RASA3: variants seen among roughly 807,000 people sequenced by gnomAD.
RASA3 encodes the protein RAS p21 protein activator 3.
Under a neutral mutation model 110.0 loss-of-function variants are expected in RASA3, and 73 were observed. The ratio of observed to expected loss-of-function variants is 0.66; its 90% CI spans 0.55 to 0.81. The LOEUF is 0.81. Among genes scored for constraint, RASA3 ranks in the 30% least tolerant of loss-of-function variants. The pLI is 0.00. For synonymous variants in RASA3, 500 were observed against 451.4 expected (o/e 1.11, Z -1.37); for missense variants, 976 against 1,113.2 (o/e 0.88, Z 1.75).
intron 12 of RASA3, 37 bp downstream of exon 12, chr13:114,017,200 G>A (rs762181212): frequency 2.6e-5 from 41 of 1,560,452 alleles, no homozygotes; most frequent in Non-Finnish European, 3.5e-5. Context: ...TCCTCCCCAC[G>A]CCTCGTGAGG....
At chr13:114,030,790 C>T (rs1004409330) in intron 4 of RASA3, among the ~76,000 whole-genome samples, 2 of 149,420 alleles carry the variant, frequency 1.3e-5, no homozygotes, top group African/African-American at 5.0e-5. Flanking sequence ...TGTGCATGTC[C>T]ACCTGTATGT....
chr13:114,014,595 T>C lies in RASA3; in HGVS notation c.1405+614A>G, dbSNP rs928282589. ...CTGGCGGGGTCTTGAGTATCGCAGG[T>C]GATGGGTGGGTGCAGGCACCCAGCT... On this transcript the variant is annotated intron_variant, in intron 14 of 23. Coordinates refer to ENST00000334062, the MANE Select transcript of RASA3 (RefSeq NM_007368.4). This position sits in a 1 kb window ranked among gnomAD's most constrained non-coding sequence, Gnocchi z 4.5. Among the ~76,000 whole-genome samples, 13 of 151,944 alleles carry C rather than the reference T, an allele frequency of 8.6e-5. No individual in the cohort carries two copies. The highest frequency in any genetic ancestry group is 3.1e-4 in the African/African-American group (13 of 41,348).
rs1056891526 is a variant in RASA3 at position 114,019,038 on chromosome 13, C to A, written c.786-119G>T. On this transcript the variant is annotated intron_variant, in intron 9 of 23. Coordinates refer to ENST00000334062, the MANE Select transcript of RASA3 (RefSeq NM_007368.4). ...GGTCAGGAGGGTGATCCTGTAGGAC[C>A]CCTCAGAGTGCAGCCCCTGGGGACT... 3.9e-6 allele frequency: 5 copies of A among 1,294,420 alleles called. No individual in the cohort carries two copies. The African/African-American group carries it at 5.9e-5, about 15-fold the overall frequency. 80.2% of individuals were successfully genotyped at this position (1,294,420 alleles called of 1,614,324 possible).
rs75104361 is a variant in RASA3, at chr13:114,048,004, C to G, written c.277+4048G>C. On this transcript the variant is annotated intron_variant, in intron 3 of 23. Transcript: ENST00000334062. This position sits in a 1 kb window ranked among gnomAD's most constrained non-coding sequence, Gnocchi z 4.3. ...TTTACCATATGTCAGTTGCAGACCA[C>G]CTGATTTATACACAAAGAACGGAGG... Among the ~76,000 whole-genome samples, 1,782 of 152,256 alleles carry G rather than the reference C, an allele frequency of 0.012. 28 individuals carry two copies. The highest frequency in any genetic ancestry group is 0.041 in the African/African-American group (1,715 of 41,530).
intron 17 of RASA3, 98 bp downstream of exon 17, chr13:114,009,289 G>A (rs1340319466): frequency 7.0e-6 from 7 of 1,001,804 alleles, no homozygotes; most frequent in Non-Finnish European, 9.4e-6. Context: ...ATCGCTAATG[G>A]CCAAGTCTGT....
chr13:113,992,048 CCACA>C (rs150063410), intron 22 of RASA3, among the ~76,000 whole-genome samples: 9,182 of 152,142 alleles, frequency 0.06, 641 homozygotes, highest in African/African-American at 0.14. Context: ...CATGTCATGT[CCACA>C]CATTCACACA....
rs1325617671 is a variant in RASA3 at position 114,052,097 on chromosome 13, A to C, written c.232T>G (p.Phe78Val). ...AAAACGTCTCTATCGAAAATGTAGA[A>C]GGACAGGTGACGAAAGCTCCGAGGA... ...EIPRSFRHLS[F>V]YIFDRDVFRR... The change falls in exon 3 of 24, where the codon TTC becomes GTC. Residue 78 changes from phenylalanine (F) to valine (V), a missense_variant. Physicochemically the swap from Phe to Val is conservative, Grantham distance 50. This residue lies in a region of RASA3 where 732 missense variants were observed against 779.7 expected (regional missense o/e 0.94). Coordinates refer to ENST00000334062, the MANE Select transcript of RASA3 (RefSeq NM_007368.4). 1.9e-6 allele frequency: 3 copies of C among 1,613,348 alleles called. No individual in the cohort carries two copies. The highest frequency in any genetic ancestry group is 1.3e-5 in the African/African-American group (1 of 74,932).
At position 114,048,377 on chromosome 13, in the gene RASA3, A is replaced by T. The variant is rs930511191; in HGVS notation, c.277+3675T>A. On this transcript the variant is annotated intron_variant, in intron 3 of 23. Transcript: ENST00000334062. The surrounding 1 kb of genome is among the most constrained non-coding windows in gnomAD (Gnocchi z 4.3). The stretch of plus-strand genomic sequence containing the variant: ...TCACTGCACCCCCACCCCATTGGGA[A>T]GCCTCAGAGAGTCTCTAGGGGCTGG... 1.3e-5 allele frequency among the ~76,000 whole-genome samples: 2 copies of T among 151,538 alleles called. No homozygotes were observed. The highest frequency in any genetic ancestry group is 2.9e-5 in the Non-Finnish European group (2 of 67,934).
At chr13:114,043,625 C>A (rs67917624) in intron 3 of RASA3, among the ~76,000 whole-genome samples, 12,643 of 152,108 alleles carry the variant, frequency 0.083, 1,026 homozygotes, top group African/African-American at 0.21. Context: ...ACGCTGAAAC[C>A]ACCACTGAGG....
intron 1 of RASA3, among the ~76,000 whole-genome samples, chr13:114,117,117 T>C (rs1279693715): frequency 8.2e-6 from 1 of 121,224 alleles, no homozygotes; most frequent in Non-Finnish European, 1.7e-5. Context: ...AGAGCACGTG[T>C]GTGAGGGATG....
chr13:114,123,336 G>A (rs2080404324), intron 1 of RASA3, among the ~76,000 whole-genome samples: 1 of 152,196 alleles, frequency 6.6e-6, no homozygotes, highest in Non-Finnish European at 1.5e-5. Flanking sequence ...GAAATCTCCA[G>A]AGCTGAAAAG....
intron 18 of RASA3, among the ~76,000 whole-genome samples, chr13:114,002,074 C>T (rs1261369254): frequency 1.3e-5 from 2 of 152,256 alleles, no homozygotes; most frequent in African/African-American, 4.8e-5. Flanking sequence ...GCAGGGGTCC[C>T]TGACCAGAAC....
At position 114,115,214 on chromosome 13, in the gene RASA3, C is replaced by T. The variant is rs528399383; in HGVS notation, c.55+17221G>A. ...GTGTCATCGGCAGCTTCCATTATGT[C>T]CAGCGGTAACATGTTTACGGTCCCT... On this transcript the variant is annotated intron_variant, in intron 1 of 23. Coordinates refer to ENST00000334062, the MANE Select transcript of RASA3 (RefSeq NM_007368.4). The surrounding 1 kb of genome is among the most constrained non-coding windows in gnomAD (Gnocchi z 5.0). Among the ~76,000 whole-genome samples the T allele has an allele frequency of 6.6e-6, 1 of 152,340 alleles. No homozygotes were observed. Among genetic ancestry groups the T allele is most frequent in the South Asian group, 2.1e-4 (1 of 4,828 alleles).
chr13:114,000,764 G>T, intron 19 of RASA3, 62 bp downstream of exon 19: 1 of 1,247,290 alleles, frequency 8.0e-7, no homozygotes, highest in Non-Finnish European at 1.2e-6. Flanking sequence ...TGAAAAAGCA[G>T]ACTCAGTCCC....
rs1423961521 is a variant in RASA3, at chr13:114,057,284, T to C, written c.174-5129A>G. ...CTTTCAGGAAACCAGGCAGGACATC[T>C]GCAGGCGGCCGGCCAGCCTTATCAA... On this transcript the variant is annotated intron_variant, in intron 2 of 23. Transcript: ENST00000334062. The surrounding 1 kb of genome is among the most constrained non-coding windows in gnomAD (Gnocchi z 5.0). The C allele has an allele frequency of 1.0e-6, 1 of 985,354 alleles. No individual in the cohort carries two copies. The highest frequency in any genetic ancestry group is 1.7e-5 in the African/African-American group (1 of 57,248). The allele number at this position is 985,354 out of a possible 1,614,324, so 61.0% of individuals were successfully genotyped here.
chr13:114,061,237 G>A (rs370726055), intron 2 of RASA3, among the ~76,000 whole-genome samples: 2 of 152,068 alleles, frequency 1.3e-5, no homozygotes, highest in East Asian at 1.9e-4. Context: ...CTCGATGCGC[G>A]GGGCTCCCTC....
intron 23 of RASA3, 98 bp downstream of exon 23, chr13:113,981,577 G>A (rs1594270655): frequency 1.5e-5 from 21 of 1,369,908 alleles, no homozygotes; most frequent in East Asian, 2.3e-5. Context: ...ACCTGAGCAC[G>A]GGCGGCCCCA....
chr13:114,079,836 T>C (rs1268808580), intron 1 of RASA3, among the ~76,000 whole-genome samples: 1 of 150,738 alleles, frequency 6.6e-6, no homozygotes, highest in African/African-American at 2.5e-5. Context: ...CGCACTGGCC[T>C]CCCCACCCGG....
chr13:113,984,209 GTCCA>G (rs2052996962), intron 22 of RASA3, among the ~76,000 whole-genome samples: 1 of 66,822 alleles, frequency 1.5e-5, no homozygotes, highest in African/African-American at 4.7e-5. Flanking sequence ...TCACCCATCT[GTCCA>G]TCCATCACTC....
Sources: allele counts gnomAD v4.1 joint callset (sites outside exome capture counted in the v4.1 genomes callset), GRCh38; gene constraint gnomAD v4.1.1; regional missense constraint gnomAD v4.1.1; non-coding constraint Gnocchi (gnomAD v3.1); transcripts MANE v1.5; gene names NCBI Gene and HGNC (gene_info 2026-07-23, HGNC 2026-07-21).